The following MAGI2 variants were observed in gnomAD, a reference collection of about 807,000 sequenced individuals.
The protein encoded by MAGI2 is membrane-associated guanylate kinase, WW and PDZ domain-containing protein 2.
MAGI2 carries 35 observed loss-of-function variants against 133.3 expected under a neutral mutation model. That is an observed-to-expected ratio of 0.26 (90% CI 0.20 to 0.35). MAGI2 has a LOEUF of 0.35. Ranked by LOEUF, MAGI2 falls within the 10% of genes least tolerant of loss-of-function variation. The probability of loss-of-function intolerance (pLI) is 1.00; values close to 1 mark genes in which losing one functional copy is unlikely to be tolerated. For missense variants in MAGI2, 1,636 were observed against 1,863.4 expected, an observed-to-expected ratio of 0.88 and a Z score of 2.25; for synonymous variants, 729 against 710.6, an observed-to-expected ratio of 1.03 and a Z score of -0.41.
chr7:78,790,055 A>C (rs963336932), intron 2 of MAGI2, among the ~76,000 whole-genome samples: 11 of 152,214 alleles, frequency 7.2e-5, no homozygotes, highest in Admixed American at 6.5e-5. Flanking sequence ...ATACAGATCA[A>C]TTGATTGTTA....
At chr7:78,132,795 C>A in intron 18 of MAGI2, 94 bp downstream of exon 18, 1 of 1,526,870 alleles carries the variant, frequency 6.5e-7, no homozygotes, top group South Asian at 1.2e-5. Flanking sequence ...TTATAAAAGT[C>A]TCTCTCTCTG....
Position 78,665,798 on chromosome 7 carries a change from T to C in MAGI2, c.419-38559A>G, listed in dbSNP as rs780243392. 1.5e-4 allele frequency among the ~76,000 whole-genome samples: 23 copies of C among 152,296 alleles called. No homozygotes were observed. The South Asian group carries it at 3.3e-3, about 22-fold the overall frequency. ...GTTAATTCATGTCTTCATGTATTCA[T>C]TCATTAAACTAATCTTTGTTGAACA... On this transcript the variant is annotated intron_variant, in intron 2 of 21. Transcript: ENST00000354212.
At chr7:78,533,566 C>T (rs73701604) in intron 3 of MAGI2, among the ~76,000 whole-genome samples, 5,600 of 152,190 alleles carry the variant, frequency 0.037, 343 homozygotes, top group African/African-American at 0.13. Context: ...GGTACTAGAG[C>T]GGCACTATCC....
At chr7:78,873,250 C>A (rs1007988103) in intron 2 of MAGI2, among the ~76,000 whole-genome samples, 7 of 152,158 alleles carry the variant, frequency 4.6e-5, no homozygotes, top group African/African-American at 1.4e-4. Flanking sequence ...TACTATACAA[C>A]AGGGGTCCCC....
chr7:78,967,159 C>T (rs954398448), intron 2 of MAGI2, among the ~76,000 whole-genome samples: 1 of 151,876 alleles, frequency 6.6e-6, no homozygotes, highest in African/African-American at 2.4e-5. Flanking sequence ...CCAGGCTGGT[C>T]TCAAACTCCT....
intron 10 of MAGI2, among the ~76,000 whole-genome samples, chr7:78,227,981 T>C (rs1207934930): frequency 2.0e-5 from 3 of 152,046 alleles, no homozygotes; most frequent in Admixed American, 2.0e-4. Flanking sequence ...ATGTTAGGCT[T>C]TGCAGGCTAC....
intron 10 of MAGI2, among the ~76,000 whole-genome samples, chr7:78,202,871 C>A (rs1241921290): frequency 6.6e-6 from 1 of 151,998 alleles, no homozygotes; most frequent in African/African-American, 2.4e-5. Flanking sequence ...TAAAAAAATT[C>A]TGTTCAATGT....
rs536922012 is a variant in MAGI2, at chr7:78,550,702, C to T, written c.539-29057G>A. On this transcript the variant is annotated intron_variant, in intron 3 of 21. Transcript: ENST00000354212. The stretch of plus-strand genomic sequence containing the variant: ...CTGTTTTTTACATTAATGTCATATC[C>T]CCTCCATGCAAACTCATGAGAGAAT... Among the ~76,000 whole-genome samples the T allele has an allele frequency of 2.0e-5, 3 of 152,028 alleles. 1 individual carries two copies. The highest frequency in any genetic ancestry group is 7.2e-5 in the African/African-American group (3 of 41,458).
rs914821062 is a variant in MAGI2, at chr7:78,902,760, A to C, written c.418+104330T>G. The C allele has an allele frequency of 5.3e-5, 8 of 152,330 alleles. No individual in the cohort carries two copies. The East Asian group carries it at 1.5e-3, about 29-fold the overall frequency. The allele number at this position is 152,330 out of a possible 1,614,324, so 9.4% of individuals were successfully genotyped here. ...CGCTTAATATCCTTTAGTTAATGAC[A>C]CTAAACACAAAAGCTCAATTGGACC... On this transcript the variant is annotated intron_variant, in intron 2 of 21. Coordinates refer to ENST00000354212, the MANE Select transcript of MAGI2 (RefSeq NM_012301.4).
At chr7:78,749,462 TA>T (rs1387284497) in intron 2 of MAGI2, among the ~76,000 whole-genome samples, 3 of 152,196 alleles carry the variant, frequency 2.0e-5, no homozygotes, top group Non-Finnish European at 4.4e-5. Context: ...AAAGGAAATC[TA>T]GGAAAGGGAG....
rs118044786 is a variant in MAGI2, at chr7:79,146,072, G to A, written c.302-138866C>T. Reference sequence around the variant, plus strand: ...TAAGAGATTTTTTTTTTTCCTTAAAGAAACTCAAAGCTGCACTAAACCTCT... The same window carrying A: ...TAAGAGATTTTTTTTTTTCCTTAAAAAAACTCAAAGCTGCACTAAACCTCT... On this transcript the variant is annotated intron_variant, in intron 1 of 21. Coordinates refer to ENST00000354212, the MANE Select transcript of MAGI2 (RefSeq NM_012301.4). 1.9e-3 allele frequency among the ~76,000 whole-genome samples: 284 copies of A among 151,810 alleles called. 2 individuals are homozygous for A. The highest frequency in any genetic ancestry group is 3.3e-3 in the Non-Finnish European group (227 of 67,918).
intron 3 of MAGI2, among the ~76,000 whole-genome samples, chr7:78,581,085 A>G (rs544187486): frequency 7.2e-5 from 11 of 152,342 alleles, no homozygotes; most frequent in African/African-American, 2.6e-4. Context: ...TCAAGGAAAC[A>G]CAGAGAGATG....
intron 1 of MAGI2, among the ~76,000 whole-genome samples, chr7:79,049,430 G>A (rs993880160): frequency 1.3e-5 from 2 of 152,030 alleles, no homozygotes; most frequent in African/African-American, 4.8e-5. Flanking sequence ...TTCTTTATAC[G>A]TAGAGAATAA....
chr7:78,995,652 T>A (rs1024654463), intron 2 of MAGI2, among the ~76,000 whole-genome samples: 4 of 152,206 alleles, frequency 2.6e-5, no homozygotes, highest in Non-Finnish European at 5.9e-5. Flanking sequence ...GGAAATAGAC[T>A]GTAATAGTCT....
At chr7:78,248,792 T>G (rs1171731163) in intron 10 of MAGI2, among the ~76,000 whole-genome samples, 3 of 152,120 alleles carry the variant, frequency 2.0e-5, no homozygotes, top group African/African-American at 7.2e-5. Context: ...GTGGAGATAC[T>G]TCATGATATT....
intron 1 of MAGI2, among the ~76,000 whole-genome samples, chr7:79,127,446 T>G (rs1584993063): frequency 6.6e-6 from 1 of 152,036 alleles, no homozygotes; most frequent in African/African-American, 2.4e-5. Context: ...TTTCTCCACA[T>G]CCTCTCCAGC....
intron 7 of MAGI2, among the ~76,000 whole-genome samples, chr7:78,355,612 C>T (rs947660702): frequency 1.3e-5 from 2 of 152,158 alleles, no homozygotes; most frequent in Non-Finnish European, 2.9e-5. Context: ...AGCCTAGCTC[C>T]GTGTACTGCC....
At chr7:79,159,163 G>A (rs780063544) in intron 1 of MAGI2, among the ~76,000 whole-genome samples, 4 of 152,012 alleles carry the variant, frequency 2.6e-5, no homozygotes, top group Non-Finnish European at 5.9e-5. Flanking sequence ...AAAATAAAAT[G>A]ACTAGATTGT....
intron 2 of MAGI2, among the ~76,000 whole-genome samples, chr7:78,780,836 C>T (rs902297512): frequency 2.6e-5 from 4 of 152,172 alleles, no homozygotes; most frequent in African/African-American, 9.7e-5. Flanking sequence ...TCTTATTCCT[C>T]ACCTTCTAAA....
Sources: gnomAD v4.1 joint callset for allele counts (sites outside exome capture counted in the v4.1 genomes callset) on GRCh38, gnomAD v4.1.1 for gene constraint, MANE v1.5 for transcripts, NCBI Gene and HGNC (gene_info 2026-07-23, HGNC 2026-07-21) for gene names.